KDM2A: variants seen among roughly 807,000 people sequenced by gnomAD.
The protein encoded by KDM2A is lysine-specific demethylase 2A.
In KDM2A, 3 loss-of-function variants were observed where a neutral mutation model predicts 137.3. The ratio of observed to expected loss-of-function variants is 0.02; its 90% CI spans 0.01 to 0.06. The LOEUF is 0.06. Among genes scored for constraint, KDM2A ranks in the 10% least tolerant of loss-of-function variants. KDM2A has a pLI of 1.00. For missense variants in KDM2A, 738 were observed against 1,510.6 expected (o/e 0.49, Z 8.48); for synonymous variants, 512 against 541.5 (o/e 0.95, Z 0.76).
chr11:67,215,686 AC>A, intron 7 of KDM2A, 169 bp from the exon 8 acceptor site: 1 of 671,350 alleles, frequency 1.5e-6, no homozygotes, highest in Non-Finnish European at 2.6e-6. Flanking sequence ...AAAAAAAAAA[AC>A]CTTTTTCTGA....
chr11:67,217,951 T>C, intron 9 of KDM2A, 67 bp downstream of exon 9: 1 of 1,350,918 alleles, frequency 7.4e-7, no homozygotes. Context: ...AATTGATGGA[T>C]TACCACCAAG....
At position 67,168,545 on chromosome 11, in the gene KDM2A, TACAC is replaced by T. The variant is rs34544708; in HGVS notation, c.43-11516_43-11513del. Reference sequence around the variant, plus strand: ...CAGCATGGTCTTGTATGAATTATAATACACACACACACACACACACAGTCTTGTA... The same window carrying T: ...CAGCATGGTCTTGTATGAATTATAATACACACACACACACACAGTCTTGTA... On this transcript the variant is annotated intron_variant, in intron 2 of 20. Transcript: ENST00000529006. 1.6e-3 allele frequency among the ~76,000 whole-genome samples: 176 copies of T among 110,006 alleles called. 16 individuals carry two copies. Among genetic ancestry groups the T allele is most frequent in the East Asian group, 0.012 (40 of 3,264 alleles). 72.2% of individuals were successfully genotyped at this position (110,006 alleles called of 152,430 possible). A position where few individuals can be genotyped will look rare whatever the true frequency, so the allele number is the denominator to read the frequency against.
chr11:67,253,326 C>T (rs1479053173), intron 18 of KDM2A, 127 bp from the exon 19 acceptor site: 10 of 807,632 alleles, frequency 1.2e-5, no homozygotes, highest in South Asian at 9.9e-5. Flanking sequence ...AGCTGGATGA[C>T]TAAAAGATTA....
chr11:67,197,732 A>G (rs1857515296), intron 5 of KDM2A, among the ~76,000 whole-genome samples: 1 of 152,188 alleles, frequency 6.6e-6, no homozygotes, highest in Admixed American at 6.5e-5. Context: ...TACACTAATT[A>G]CTAGCTGTGT....
intron 2 of KDM2A, among the ~76,000 whole-genome samples, chr11:67,153,403 C>G (rs1409382430): frequency 6.6e-6 from 1 of 152,084 alleles, no homozygotes; most frequent in African/African-American, 2.4e-5. Context: ...CACCCTGGCT[C>G]CCAAAGAATG....
chr11:67,199,312 C>T (rs1166115868), intron 5 of KDM2A, among the ~76,000 whole-genome samples: 1 of 152,140 alleles, frequency 6.6e-6, no homozygotes, highest in Non-Finnish European at 1.5e-5. Context: ...GGAAGAGTCC[C>T]ACCTCTCTCA....
chr11:67,170,635 G>A (rs1856863130), intron 2 of KDM2A, among the ~76,000 whole-genome samples: 1 of 151,776 alleles, frequency 6.6e-6, no homozygotes, highest in African/African-American at 2.4e-5. Flanking sequence ...GGATGGTCTC[G>A]ATCTCCTCAC....
intron 5 of KDM2A, among the ~76,000 whole-genome samples, chr11:67,201,772 C>CAAAAAAAAAAAAAAAAAAAAAA (rs71056184): frequency 2.6e-5 from 1 of 37,818 alleles, no homozygotes; most frequent in African/African-American, 1.2e-4. Context: ...GACTCCATCT[C>CAAAAAAAAAAAAAAAAAAAAAA]AAAAAAAAAA....
rs1249301111 is a variant in KDM2A, at chr11:67,250,671, C to T, written c.2641C>T (p.Arg881Trp). The change falls in exon 17 of 21, where the codon CGG becomes TGG. Residue 881 changes from arginine (R) to tryptophan (W), a missense_variant. By Grantham distance (101) the Arg-to-Trp change is moderately radical. This residue lies in a region of KDM2A where 244 missense variants were observed against 324.6 expected (regional missense o/e 0.75). Transcript: ENST00000529006. The surrounding 1 kb of genome is among the most constrained non-coding windows in gnomAD (Gnocchi z 7.1). ...GGGGGGTGCAGCCAGGCTGAATGGCCGGGGCAGTTGGGCTCAGGATGGAGA... is the reference window on the plus strand; with the variant it reads ...GGGGGGTGCAGCCAGGCTGAATGGCTGGGGCAGTTGGGCTCAGGATGGAGA... ...EEGGAARLNG[R>W]GSWAQDGDES... 7 of 1,604,982 alleles carry T rather than the reference C, an allele frequency of 4.4e-6. No homozygotes were observed. The highest frequency in any genetic ancestry group is 1.3e-5 in the African/African-American group (1 of 74,752).
At chr11:67,146,792 C>T (rs1335176443) in intron 2 of KDM2A, among the ~76,000 whole-genome samples, 4 of 152,072 alleles carry the variant, frequency 2.6e-5, no homozygotes, top group South Asian at 4.1e-4. Context: ...CATGAGCCAC[C>T]GTGCCTGGAA....
chr11:67,180,374 C>T (rs1857064410), intron 3 of KDM2A, 157 bp downstream of exon 3: 1 of 602,988 alleles, frequency 1.7e-6, no homozygotes, highest in Non-Finnish European at 2.7e-6. Flanking sequence ...TGCACTTATC[C>T]CCCAGTCCTC....
chr11:67,133,908 G>A (rs1855914247), intron 2 of KDM2A, among the ~76,000 whole-genome samples: 1 of 149,034 alleles, frequency 6.7e-6, no homozygotes, highest in South Asian at 2.1e-4. Flanking sequence ...TGGTCAGAGT[G>A]GTCTCAAACT....
chr11:67,242,959 T>C, intron 12 of KDM2A, 50 bp from the exon 13 acceptor site: 1 of 1,479,620 alleles, frequency 6.8e-7, no homozygotes, highest in Non-Finnish European at 9.4e-7. Flanking sequence ...GGTGGTTGGC[T>C]CTTTGTTCAC....
At chr11:67,194,843 C>G (rs1341859571) in intron 5 of KDM2A, among the ~76,000 whole-genome samples, 1 of 152,140 alleles carries the variant, frequency 6.6e-6, no homozygotes, top group African/African-American at 2.4e-5. Context: ...ATTTGTGTAT[C>G]TAAGATTCAA....
At chr11:67,193,899 G>A (rs1857417263) in intron 5 of KDM2A, among the ~76,000 whole-genome samples, 1 of 152,090 alleles carries the variant, frequency 6.6e-6, no homozygotes, top group South Asian at 2.1e-4. Flanking sequence ...TTGAGACAGG[G>A]GTCTCGCTGT....
intron 12 of KDM2A, chr11:67,239,977 T>C (rs1393817807): frequency 8.9e-7 from 1 of 1,120,036 alleles, no homozygotes; most frequent in Non-Finnish European, 1.1e-6. Context: ...CTCCCGGCTC[T>C]GCAGCAGAAC....
At chr11:67,214,582 G>A (rs368604712) in intron 6 of KDM2A, among the ~76,000 whole-genome samples, 13 of 151,990 alleles carry the variant, frequency 8.6e-5, no homozygotes, top group African/African-American at 2.9e-4. Context: ...CAGGTGATCC[G>A]CCTGCCTTGG....
chr11:67,190,689 A>C (rs1565396152), intron 5 of KDM2A, among the ~76,000 whole-genome samples: 1 of 152,124 alleles, frequency 6.6e-6, no homozygotes, highest in African/African-American at 2.4e-5. Context: ...TGAACTGAGG[A>C]GGCGGAGGTT....
chr11:67,149,618 C>T (rs989981036), intron 2 of KDM2A, among the ~76,000 whole-genome samples: 2 of 151,138 alleles, frequency 1.3e-5, no homozygotes, highest in Non-Finnish European at 2.9e-5. Context: ...ATGTCTTTTT[C>T]TTTGCTTTTA....
Sources: allele counts gnomAD v4.1 joint callset (sites outside exome capture counted in the v4.1 genomes callset), GRCh38; gene constraint gnomAD v4.1.1; regional missense constraint gnomAD v4.1.1; non-coding constraint Gnocchi (gnomAD v3.1); transcripts MANE v1.5; gene names NCBI Gene and HGNC (gene_info 2026-07-23, HGNC 2026-07-21).